The following KDM7A variants were observed in gnomAD, a reference collection of about 807,000 sequenced individuals.
KDM7A encodes lysine demethylase 7A.
In KDM7A, 28 loss-of-function variants were observed where a neutral mutation model predicts 114.8. The ratio of observed to expected loss-of-function variants is 0.24; its 90% CI spans 0.18 to 0.33. KDM7A has a LOEUF of 0.33. Among genes scored for constraint, KDM7A ranks in the 10% least tolerant of loss-of-function variants. The probability of loss-of-function intolerance (pLI) is 1.00; values close to 1 mark genes in which losing one functional copy is unlikely to be tolerated. For synonymous variants in KDM7A, 423 were observed against 397.8 expected (o/e 1.06, Z -0.75); for missense variants, 942 against 1,142.5 (o/e 0.82, Z 2.53).
At chr7:140,116,272 GTA>G (rs371983342) in intron 9 of KDM7A, among the ~76,000 whole-genome samples, 46 of 151,600 alleles carry the variant, frequency 3.0e-4, no homozygotes, top group Middle Eastern at 3.4e-3. Flanking sequence ...GTGTGTGTGT[GTA>G]TATCATAGTA....
chr7:140,113,010 A>T (rs2116774784), intron 10 of KDM7A, among the ~76,000 whole-genome samples: 1 of 152,350 alleles, frequency 6.6e-6, no homozygotes, highest in South Asian at 2.1e-4. Flanking sequence ...TTGCAGTCCC[A>T]GAGATCTAAG....
At chr7:140,097,500 A>T in intron 15 of KDM7A, 45 bp downstream of exon 15, 1 of 1,040,678 alleles carries the variant, frequency 9.6e-7, no homozygotes, top group Non-Finnish European at 1.5e-6. Flanking sequence ...CGTGGTGCTC[A>T]TCTTTCCATC....
chr7:140,116,255 A>AGTGTGTGT (rs10675737), intron 9 of KDM7A, among the ~76,000 whole-genome samples: 4 of 151,144 alleles, frequency 2.6e-5, no homozygotes, highest in Admixed American at 1.3e-4. Context: ...TTGCAGAATC[A>AGTGTGTGT]GTGTGTGTGT....
intron 18 of KDM7A, among the ~76,000 whole-genome samples, chr7:140,092,952 T>C (rs1385864297): frequency 6.6e-6 from 1 of 152,222 alleles, no homozygotes; most frequent in Non-Finnish European, 1.5e-5. Flanking sequence ...GACTCTGGAA[T>C]GTATCCTTCT....
At chr7:140,152,498 C>T (rs191280102) in intron 1 of KDM7A, among the ~76,000 whole-genome samples, 9 of 151,676 alleles carry the variant, frequency 5.9e-5, no homozygotes, top group African/African-American at 1.7e-4. Flanking sequence ...GTGGGACACA[C>T]TTTTAATTCC....
intron 3 of KDM7A, among the ~76,000 whole-genome samples, chr7:140,129,903 G>A (rs1207578693): frequency 3.3e-5 from 5 of 151,908 alleles, no homozygotes; most frequent in Non-Finnish European, 4.4e-5. Flanking sequence ...TGGTCTAAAT[G>A]CAAAAAGAAA....
At chr7:140,131,594 T>G (rs1312963408) in intron 3 of KDM7A, among the ~76,000 whole-genome samples, 1 of 152,198 alleles carries the variant, frequency 6.6e-6, no homozygotes, top group African/African-American at 2.4e-5. Flanking sequence ...ATTTGACTCA[T>G]CTACTGAACT....
At position 140,119,090 on chromosome 7, in the gene KDM7A, C is replaced by A. The variant is rs183810170; in HGVS notation, c.1246+23G>T. 2.9e-4 allele frequency: 414 copies of A among 1,405,844 alleles called. 1 individual carries two copies. Among genetic ancestry groups the A allele is most frequent in the Admixed American group, 1.9e-4 (11 of 57,770 alleles). 87.1% of individuals were successfully genotyped at this position (1,405,844 alleles called of 1,614,324 possible). ...CAAACAATATGCATCATATCATATACAAACATGCAAATTATTAATTACCTT... is the reference window on the plus strand; with the variant it reads ...CAAACAATATGCATCATATCATATAAAAACATGCAAATTATTAATTACCTT... On this transcript the variant is annotated intron_variant, in intron 9 of 19. Transcript: ENST00000397560.
In KDM7A at chr7:140,086,207, T is replaced by C. The variant is rs1817921264; in HGVS notation, c.*4887A>G. 1 of 152,208 alleles carries C rather than the reference T, an allele frequency of 6.6e-6. No individual in the cohort carries two copies. Among genetic ancestry groups the C allele is most frequent in the South Asian group, 2.1e-4 (1 of 4,838 alleles). The allele number at this position is 152,208 out of a possible 1,614,324, so 9.4% of individuals were successfully genotyped here. A position where few individuals can be genotyped will look rare whatever the true frequency, so the allele number is the denominator to read the frequency against. Reference sequence around the variant, plus strand: ...GGGCTACGTGGTAGCCAGGGTTTATTAGTGAAATAGTGCAGAGCAGATAAA... The same window carrying C: ...GGGCTACGTGGTAGCCAGGGTTTATCAGTGAAATAGTGCAGAGCAGATAAA... On this transcript the variant is annotated 3_prime_UTR_variant, in exon 20 of 20. Coordinates refer to ENST00000397560, the MANE Select transcript of KDM7A (RefSeq NM_030647.2).
At chr7:140,166,676 G>A (rs774256687) in intron 1 of KDM7A, among the ~76,000 whole-genome samples, 1 of 152,072 alleles carries the variant, frequency 6.6e-6, no homozygotes, top group African/African-American at 2.4e-5. Flanking sequence ...ACTAAAGCTA[G>A]TATCTTCCTT....
At chr7:140,158,041 A>G (rs1794478739) in intron 1 of KDM7A, among the ~76,000 whole-genome samples, 2 of 151,682 alleles carry the variant, frequency 1.3e-5, no homozygotes, top group African/African-American at 4.8e-5. Flanking sequence ...AGCAGGTGGG[A>G]AAAGGGCAAT....
chr7:140,147,604 T>G (rs1794352410), intron 1 of KDM7A, among the ~76,000 whole-genome samples: 1 of 152,066 alleles, frequency 6.6e-6, no homozygotes. Flanking sequence ...GAGGACTGAG[T>G]CATTGTGTAC....
intron 1 of KDM7A, among the ~76,000 whole-genome samples, chr7:140,144,642 A>T (rs1794320394): frequency 6.6e-6 from 1 of 152,130 alleles, no homozygotes; most frequent in Non-Finnish European, 1.5e-5. Flanking sequence ...ACTAAGAAAC[A>T]CAATAAGATT....
chr7:140,106,803 C>T (rs1818344829), intron 11 of KDM7A, among the ~76,000 whole-genome samples: 1 of 152,122 alleles, frequency 6.6e-6, no homozygotes, highest in South Asian at 2.1e-4. Context: ...TCTATCAGGT[C>T]CACTTGGTGC....
chr7:140,152,870 CT>C (rs1262244213), intron 1 of KDM7A, among the ~76,000 whole-genome samples: 1 of 151,444 alleles, frequency 6.6e-6, no homozygotes, highest in Non-Finnish European at 1.5e-5. Context: ...TTTGTAATTC[CT>C]TTTTTTTGAG....
rs531598369 is a variant in KDM7A, at chr7:140,176,575, C to T, written c.194+169G>A. Among the ~76,000 whole-genome samples the T allele has an allele frequency of 1.3e-3, 188 of 146,656 alleles. No homozygotes were observed. The highest frequency in any genetic ancestry group is 4.3e-3 in the African/African-American group (175 of 40,960). On this transcript the variant is annotated intron_variant, in intron 1 of 19. Transcript: ENST00000397560. This position sits in a 1 kb window ranked among gnomAD's most constrained non-coding sequence, Gnocchi z 4.4. ...CCCTCTGGAGCCCGCCCGGCGAACC[C>T]GGGGCACCGCGCGCCCCACTGCCCG...
In KDM7A at chr7:140,127,533, T is replaced by G; in HGVS notation, c.610A>C (p.Lys204Gln). 1 of 1,613,942 alleles carries G rather than the reference T, an allele frequency of 6.2e-7. No individual in the cohort carries two copies. Among genetic ancestry groups the G allele is most frequent in the Non-Finnish European group, 8.5e-7 (1 of 1,179,800 alleles). ...TTAACATAATTGTGAAGTGTCATTT[T>G]GCTGTCTGCCTGCCTCGCCACATCA... ...VIDVARQADS[K>Q]MTLHNYVKYF... Residue 204 changes from lysine to glutamine, a missense_variant, in exon 5 of 20, where the codon AAA (lysine) becomes CAA (glutamine). Lys to Gln is a moderately conservative substitution (Grantham distance 53). Coordinates refer to ENST00000397560, the MANE Select transcript of KDM7A (RefSeq NM_030647.2).
At chr7:140,136,504 G>A (rs1039186403) in intron 2 of KDM7A, among the ~76,000 whole-genome samples, 1 of 152,146 alleles carries the variant, frequency 6.6e-6, no homozygotes, top group Admixed American at 6.5e-5. Flanking sequence ...TTTTGTGTTT[G>A]GATTGCATGT....
In KDM7A at chr7:140,139,098, T is replaced by A; in HGVS notation, c.280+7A>T. On this transcript the variant is annotated splice_region_variant and intron_variant, in intron 2 of 19. Coordinates refer to ENST00000397560, the MANE Select transcript of KDM7A (RefSeq NM_030647.2). ...TGTCCATTTTTATTTAAGCATCTAGTACTTACTCAAGGAGGAACCATGTAA... is the reference window on the plus strand; with the variant it reads ...TGTCCATTTTTATTTAAGCATCTAGAACTTACTCAAGGAGGAACCATGTAA... 1 of 1,580,522 alleles carries A rather than the reference T, an allele frequency of 6.3e-7. No homozygotes were observed. The highest frequency in any genetic ancestry group is 1.1e-5 in the South Asian group (1 of 90,256).
Sources: allele counts gnomAD v4.1 joint callset (sites outside exome capture counted in the v4.1 genomes callset), GRCh38; gene constraint gnomAD v4.1.1; non-coding constraint Gnocchi (gnomAD v3.1); transcripts MANE v1.5; gene names NCBI Gene and HGNC (gene_info 2026-07-23, HGNC 2026-07-21).